The following ADK variants were observed in gnomAD, a reference collection of about 807,000 sequenced individuals.
ADK encodes the protein N6,N6-dimethyladenosine kinase.
ADK carries 24 observed loss-of-function variants against 44.7 expected under a neutral mutation model. The observed-to-expected ratio is 0.54, with a 90% confidence interval of 0.39 to 0.76. The LOEUF (loss-of-function observed/expected upper bound fraction) is 0.76, where lower values mean the gene tolerates loss of function less well. ADK is among the 30% of genes least tolerant of loss of function. ADK has a pLI of 0.00. For synonymous variants in ADK, 128 were observed against 142.6 expected, an observed-to-expected ratio of 0.90 and a Z score of 0.73; for missense variants, 321 against 425.1, an observed-to-expected ratio of 0.76 and a Z score of 2.15.
At chr10:74,580,057 C>A (rs1245869547) in intron 7 of ADK, among the ~76,000 whole-genome samples, 2 of 152,048 alleles carry the variant, frequency 1.3e-5, no homozygotes, top group African/African-American at 4.8e-5. Context: ...TTTTGAGTAA[C>A]CAACTGAATT....
At chr10:74,548,423 GT>G (rs1321701202) in intron 7 of ADK, among the ~76,000 whole-genome samples, 1 of 152,106 alleles carries the variant, frequency 6.6e-6, no homozygotes, top group Non-Finnish European at 1.5e-5. Flanking sequence ...AGATAAAGAG[GT>G]TGCCAGATTT....
intron 3 of ADK, among the ~76,000 whole-genome samples, chr10:74,254,692 A>T (rs1452362448): frequency 6.6e-6 from 1 of 152,096 alleles, no homozygotes; most frequent in African/African-American, 2.4e-5. Flanking sequence ...AAAAATTGTT[A>T]CAAGTTTGGA....
intron 8 of ADK, among the ~76,000 whole-genome samples, chr10:74,592,179 A>T (rs1016924116): frequency 3.3e-5 from 5 of 152,122 alleles, no homozygotes; most frequent in African/African-American, 1.2e-4. Context: ...AGGTGATGGA[A>T]AATTGCATAG....
chr10:74,238,856 C>CTTTTTGTT (rs1845081628), intron 3 of ADK, among the ~76,000 whole-genome samples: 1 of 88,198 alleles, frequency 1.1e-5, no homozygotes, highest in Non-Finnish European at 2.0e-5. Flanking sequence ...TTAGCTAGTG[C>CTTTTTGTT]TTTTTTTTTT....
intron 7 of ADK, among the ~76,000 whole-genome samples, chr10:74,577,564 G>A (rs754555724): frequency 7.3e-5 from 11 of 150,990 alleles, no homozygotes; most frequent in Non-Finnish European, 1.2e-4. Flanking sequence ...TCTGACCTGG[G>A]GGATATTACC....
chr10:74,161,431 G>T (rs1473903345), intron 1 of ADK, among the ~76,000 whole-genome samples: 1 of 152,136 alleles, frequency 6.6e-6, no homozygotes, highest in African/African-American at 2.4e-5. Flanking sequence ...GTATGGTCTC[G>T]ATCTCCTGAT....
intron 4 of ADK, among the ~76,000 whole-genome samples, chr10:74,322,653 A>T (rs1264200509): frequency 6.6e-6 from 1 of 152,062 alleles, no homozygotes; most frequent in Non-Finnish European, 1.5e-5. Flanking sequence ...CTTAGATCAG[A>T]TTCTTTAAAG....
chr10:74,191,167 G>A (rs997636742), intron 1 of ADK, among the ~76,000 whole-genome samples: 12 of 152,010 alleles, frequency 7.9e-5, no homozygotes, highest in East Asian at 1.9e-4. Flanking sequence ...TTTTAGTAGC[G>A]ACGGGGTTTC....
chr10:74,576,323 A>G (rs1280517108), intron 7 of ADK, among the ~76,000 whole-genome samples: 1 of 152,154 alleles, frequency 6.6e-6, no homozygotes, highest in Non-Finnish European at 1.5e-5. Context: ...AAGATCCAAA[A>G]GAGAGCAATT....
At chr10:74,697,648 CTT>C (rs1007977542) in intron 10 of ADK, among the ~76,000 whole-genome samples, 5 of 152,112 alleles carry the variant, frequency 3.3e-5, no homozygotes, top group African/African-American at 4.8e-5. Flanking sequence ...CTCATAAAGA[CTT>C]TGTTCATTTC....
chr10:74,342,806 TGTGTGTG>T (rs1276435254), intron 4 of ADK, among the ~76,000 whole-genome samples: 1 of 151,996 alleles, frequency 6.6e-6, no homozygotes, highest in Non-Finnish European at 1.5e-5. Context: ...TGTGTGTGTG[TGTGTGTG>T]TGTTTTAATA....
chr10:74,414,226 A>T (rs1042543192), intron 6 of ADK, among the ~76,000 whole-genome samples: 4 of 152,230 alleles, frequency 2.6e-5, no homozygotes, highest in African/African-American at 9.6e-5. Context: ...AAAATAATAA[A>T]AAGGTATCTG....
chr10:74,611,575 G>T (rs79920049), intron 9 of ADK, among the ~76,000 whole-genome samples: 4,290 of 151,054 alleles, frequency 0.028, 189 homozygotes, highest in African/African-American at 0.097. Flanking sequence ...TAAGGCTGGG[G>T]TTTGGGCTTC....
At chr10:74,690,666 A>G (rs1855961078) in intron 10 of ADK, among the ~76,000 whole-genome samples, 1 of 152,162 alleles carries the variant, frequency 6.6e-6, no homozygotes, top group Non-Finnish European at 1.5e-5. Flanking sequence ...GCAAAATGTT[A>G]TTCATTCAAC....
At chr10:74,174,491 G>A (rs1015898511) in intron 1 of ADK, 2 of 152,012 alleles carry the variant, frequency 1.3e-5, no homozygotes, top group African/African-American at 4.8e-5. Context: ...CAAAATTTTG[G>A]TCACTGATAC....
At chr10:74,323,755 A>G (rs1197448047) in intron 4 of ADK, among the ~76,000 whole-genome samples, 1 of 151,672 alleles carries the variant, frequency 6.6e-6, no homozygotes, top group Non-Finnish European at 1.5e-5. Flanking sequence ...CATTTTTAGT[A>G]GAGACGAGGT....
chr10:74,274,569 AAAAAGTCAT>A (rs2132421266), intron 3 of ADK, among the ~76,000 whole-genome samples: 1 of 151,854 alleles, frequency 6.6e-6, no homozygotes, highest in Non-Finnish European at 1.5e-5. Flanking sequence ...TGTCTTAAAA[AAAAAGTCAT>A]AAGAGAAAAC....
intron 2 of ADK, among the ~76,000 whole-genome samples, chr10:74,217,585 C>A (rs963070415): frequency 2.0e-5 from 3 of 152,160 alleles, no homozygotes; most frequent in Non-Finnish European, 4.4e-5. Context: ...GGTCCCTGAC[C>A]CCTGACCCCT....
At chr10:74,471,895 G>GT (rs1846604255) in intron 6 of ADK, among the ~76,000 whole-genome samples, 1 of 151,916 alleles carries the variant, frequency 6.6e-6, no homozygotes, top group Non-Finnish European at 1.5e-5. Context: ...CTCCTAATAG[G>GT]TTTTTTTGTA....
Sources: gnomAD v4.1 joint callset for allele counts (sites outside exome capture counted in the v4.1 genomes callset) on GRCh38, gnomAD v4.1.1 for gene constraint, MANE v1.5 for transcripts, NCBI Gene and HGNC (gene_info 2026-07-23, HGNC 2026-07-21) for gene names.